The following TRAPPC9 variants were observed in gnomAD, a reference collection of about 807,000 sequenced individuals.
TRAPPC9 encodes the protein IKK2 binding protein.
In TRAPPC9, 83 loss-of-function variants were observed where a neutral mutation model predicts 124.0. The ratio of observed to expected loss-of-function variants is 0.67; its 90% CI spans 0.56 to 0.80. TRAPPC9 has a LOEUF of 0.80. Ranked by LOEUF, TRAPPC9 falls within the 30% of genes least tolerant of loss-of-function variation. The probability of loss-of-function intolerance (pLI) is 0.00; values close to 1 mark genes in which losing one functional copy is unlikely to be tolerated. For missense variants in TRAPPC9, 1,302 were observed against 1,508.3 expected, an observed-to-expected ratio of 0.86 and a Z score of 2.27; for synonymous variants, 638 against 617.5, an observed-to-expected ratio of 1.03 and a Z score of -0.49.
At chr8:140,398,488 GTCTCGGATGGAGATCTCAGT>G (rs1490424524) in intron 6 of TRAPPC9, among the ~76,000 whole-genome samples, 1 of 152,206 alleles carries the variant, frequency 6.6e-6, no homozygotes, top group African/African-American at 2.4e-5. Context: ...GGCTGAGGTG[GTCTCGGATGGAGATCTCAGT>G]TCTTGTTGGG....
At chr8:140,066,264 A>G (rs1425716042) in intron 17 of TRAPPC9, among the ~76,000 whole-genome samples, 1 of 152,206 alleles carries the variant, frequency 6.6e-6, no homozygotes, top group African/African-American at 2.4e-5. Flanking sequence ...TCCACCACTG[A>G]TGAACAGGAG....
At chr8:140,345,372 C>A (rs1291151887) in intron 9 of TRAPPC9, among the ~76,000 whole-genome samples, 1 of 152,184 alleles carries the variant, frequency 6.6e-6, no homozygotes, top group African/African-American at 2.4e-5. Context: ...GTACACCCTC[C>A]CAAAGAGCTG....
chr8:139,733,912 G>A (rs945193933), intron 21 of TRAPPC9, among the ~76,000 whole-genome samples: 13 of 152,180 alleles, frequency 8.5e-5, no homozygotes, highest in Admixed American at 7.9e-4. Context: ...TGGCTCACAC[G>A]GTCAGGCCAG....
At chr8:140,320,343 C>A (rs1454608610) in intron 9 of TRAPPC9, among the ~76,000 whole-genome samples, 1 of 152,176 alleles carries the variant, frequency 6.6e-6, no homozygotes, top group African/African-American at 2.4e-5. Context: ...TTTATTTGTA[C>A]CAACACAGGC....
At chr8:140,288,263 A>G (rs989207733) in intron 12 of TRAPPC9, among the ~76,000 whole-genome samples, 3 of 152,166 alleles carry the variant, frequency 2.0e-5, no homozygotes, top group African/African-American at 7.2e-5. Flanking sequence ...TGATCACCCG[A>G]GCCCAGGAGG....
At chr8:139,959,095 G>T (rs1373373563) in intron 19 of TRAPPC9, among the ~76,000 whole-genome samples, 1 of 152,174 alleles carries the variant, frequency 6.6e-6, no homozygotes, top group Non-Finnish European at 1.5e-5. Flanking sequence ...TCACACGGGG[G>T]AGCCCTGCAT....
At chr8:140,320,122 A>C (rs554205663) in intron 9 of TRAPPC9, among the ~76,000 whole-genome samples, 1 of 152,346 alleles carries the variant, frequency 6.6e-6, no homozygotes, top group Admixed American at 6.5e-5. Flanking sequence ...AAATATCTGA[A>C]GTTACATTTT....
chr8:139,814,734 G>C (rs1824711747), intron 21 of TRAPPC9, among the ~76,000 whole-genome samples: 1 of 151,766 alleles, frequency 6.6e-6, no homozygotes, highest in Non-Finnish European at 1.5e-5. Flanking sequence ...AAAGGAAAAA[G>C]GAAAGGAAAG....
chr8:140,237,316 C>A (rs1014251961), intron 16 of TRAPPC9, among the ~76,000 whole-genome samples: 1 of 150,198 alleles, frequency 6.7e-6, no homozygotes, highest in African/African-American at 2.5e-5. Flanking sequence ...TCGCAGGGAA[C>A]AGAGAATAAG....
At chr8:140,421,984 C>CAAAAAAAA (rs35152459) in intron 5 of TRAPPC9, among the ~76,000 whole-genome samples, 33 of 43,794 alleles carry the variant, frequency 7.5e-4, no homozygotes, top group African/African-American at 8.4e-4. Context: ...TCCCTCATGA[C>CAAAAAAAA]AAAAAAAAAA....
chr8:140,411,707 A>C (rs2069713077), intron 5 of TRAPPC9, among the ~76,000 whole-genome samples: 1 of 152,228 alleles, frequency 6.6e-6, no homozygotes, highest in African/African-American at 2.4e-5. Context: ...GAACATGTCA[A>C]AAGGTTTTAA....
At chr8:140,130,074 T>C (rs140146179) in intron 17 of TRAPPC9, among the ~76,000 whole-genome samples, 211 of 152,280 alleles carry the variant, frequency 1.4e-3, no homozygotes, top group African/African-American at 4.8e-3. Flanking sequence ...CAAAGAGTGA[T>C]GCCCACGTGT....
At chr8:139,869,953 A>T (rs565913530) in intron 21 of TRAPPC9, among the ~76,000 whole-genome samples, 2 of 152,370 alleles carry the variant, frequency 1.3e-5, no homozygotes, top group South Asian at 4.1e-4. Flanking sequence ...AACTGTATTT[A>T]TAATAGGAAA....
chr8:140,339,689 A>G (rs1425444718), intron 9 of TRAPPC9, among the ~76,000 whole-genome samples: 3 of 152,144 alleles, frequency 2.0e-5, no homozygotes, highest in African/African-American at 4.8e-5. Context: ...TCCAGATCCA[A>G]TACTGCGTAT....
At chr8:140,306,986 G>A (rs1371565876) in intron 10 of TRAPPC9, among the ~76,000 whole-genome samples, 1 of 152,126 alleles carries the variant, frequency 6.6e-6, no homozygotes, top group Admixed American at 6.5e-5. Flanking sequence ...CTCTTCTCCT[G>A]TGCCCAGCTA....
intron 21 of TRAPPC9, among the ~76,000 whole-genome samples, chr8:139,748,500 G>C (rs1217614108): frequency 6.7e-6 from 1 of 149,530 alleles, no homozygotes; most frequent in African/African-American, 2.5e-5. Context: ...AGGTAGGGGG[G>C]GCATACAGGG....
chr8:139,829,046 G>GA lies in TRAPPC9; in HGVS notation c.3055+56832dup, dbSNP rs1032719371. Among the ~76,000 whole-genome samples the GA allele has an allele frequency of 5.8e-4, 88 of 152,016 alleles. 1 individual carries two copies. The highest frequency in any genetic ancestry group is 5.4e-4 in the Non-Finnish European group (37 of 68,000). On this transcript the variant is annotated intron_variant, in intron 21 of 22. Transcript: ENST00000438773. ...CATTTGGAGACGCAGAATGGAGGAA[G>GA]AAAAAAAATGCCCGCAGATCAACAT...
chr8:140,008,909 T>C (rs1838939148), intron 18 of TRAPPC9, among the ~76,000 whole-genome samples: 3 of 152,200 alleles, frequency 2.0e-5, no homozygotes, highest in South Asian at 2.1e-4. Context: ...ATAGGGTGCA[T>C]AGAATTTCCC....
intron 19 of TRAPPC9, among the ~76,000 whole-genome samples, chr8:139,980,567 G>A (rs978324649): frequency 1.1e-4 from 16 of 152,216 alleles, no homozygotes; most frequent in African/African-American, 3.1e-4. Flanking sequence ...CATCACCAAC[G>A]GCTGGCCACT....
Sources: allele counts gnomAD v4.1 joint callset (sites outside exome capture counted in the v4.1 genomes callset), GRCh38; gene constraint gnomAD v4.1.1; transcripts MANE v1.5; gene names NCBI Gene and HGNC (gene_info 2026-07-23, HGNC 2026-07-21).